Variants in FANCD2OS observed in about 807,000 individuals in gnomAD.
FANCD2OS encodes FANCD2 opposite strand.
In FANCD2OS, 11 loss-of-function variants were observed where a neutral mutation model predicts 13.2. The ratio of observed to expected loss-of-function variants is 0.83; its 90% confidence interval spans 0.52 to 1.38. The LOEUF (loss-of-function observed/expected upper bound fraction) is 1.38, where lower values mean the gene tolerates loss of function less well. FANCD2OS is among the 40% of genes most tolerant of loss of function. The pLI is 0.00. For missense variants in FANCD2OS, 217 were observed against 213.9 expected (o/e 1.01, Z -0.09); for synonymous variants, 69 against 84.5 (o/e 0.82, Z 1.01).
intron 2 of FANCD2OS, among the ~76,000 whole-genome samples, chr3:10,089,320 G>A (rs971524999): frequency 2.6e-5 from 4 of 151,484 alleles, no homozygotes; most frequent in South Asian, 2.1e-4. Flanking sequence ...ACTGTCCAAC[G>A]TATATAGCTT....
At chr3:10,088,988 A>G (rs1447670447) in intron 2 of FANCD2OS, 2 of 1,611,746 alleles carry the variant, frequency 1.2e-6, no homozygotes, top group Admixed American at 3.3e-5. Context: ...CCCTTAAGAT[A>G]GAATCATCAT....
chr3:10,091,401 G>A (rs1490881496), intron 2 of FANCD2OS, among the ~76,000 whole-genome samples: 4 of 149,224 alleles, frequency 2.7e-5, no homozygotes, highest in Non-Finnish European at 5.9e-5. Flanking sequence ...CAGCCCAGAA[G>A]GCAAAGGCTG....
chr3:10,101,112 C>T, downstream of FANCD2OS: 1 of 1,102,392 alleles, frequency 9.1e-7, no homozygotes. Context: ...AGTTGTGTAT[C>T]CTCTAGGAGC....
intron 2 of FANCD2OS, among the ~76,000 whole-genome samples, chr3:10,086,304 G>A (rs1694196313): frequency 6.6e-6 from 1 of 152,146 alleles, no homozygotes; most frequent in Non-Finnish European, 1.5e-5. Flanking sequence ...CTTGTAGGAA[G>A]ACCTTATGTG....
At chr3:10,095,878 A>ATTTTTTTT (rs397950663) in intron 2 of FANCD2OS, among the ~76,000 whole-genome samples, 6 of 125,772 alleles carry the variant, frequency 4.8e-5, no homozygotes, top group Non-Finnish European at 6.6e-5. Context: ...CTGAACAGTG[A>ATTTTTTTT]TTTTTTTTTT....
In FANCD2OS at chr3:10,103,990, A is replaced by G. The variant is rs543468598; in HGVS notation, c.*251T>C. The G allele has an allele frequency of 3.6e-5, 18 of 497,980 alleles. No homozygotes were observed. Among genetic ancestry groups the G allele is most frequent in the South Asian group, 6.3e-5 (2 of 31,994 alleles). The allele number at this position is 497,980 out of a possible 1,614,324, so 30.8% of individuals were successfully genotyped here. ...ATATCATTTGTTTAACGGTTATCAC[A>G]TGGACATGTCAATGCTAGTTTGACT... is the stretch of plus-strand genomic sequence containing the variant. On this transcript the variant is annotated 3_prime_UTR_variant, in exon 2 of 2. Coordinates refer to ENST00000450660, the MANE Select transcript of FANCD2OS (RefSeq NM_001164839.2).
At chr3:10,093,202 C>T in intron 2 of FANCD2OS, 1 of 1,004,036 alleles carries the variant, frequency 1.0e-6, no homozygotes, top group Non-Finnish European at 1.6e-6. Context: ...GCACCCAAAG[C>T]TGTGCTTTGC....
chr3:10,100,009 C>T (rs1401459657), downstream of FANCD2OS, among the ~76,000 whole-genome samples: 1 of 151,972 alleles, frequency 6.6e-6, no homozygotes, highest in Non-Finnish European at 1.5e-5. Flanking sequence ...CAACCCGAGA[C>T]CCCATCTCTA....
At position 10,104,020 on chromosome 3, in the gene FANCD2OS, A is replaced by G. The variant is rs140894432; in HGVS notation, c.*221T>C. 1,692 of 548,554 alleles carry G rather than the reference A, an allele frequency of 3.1e-3. 25 individuals are homozygous for G. The highest frequency in any genetic ancestry group is 0.029 in the African/African-American group (1,520 of 53,196). The allele number at this position is 548,554 out of a possible 1,614,324, so 34.0% of individuals were successfully genotyped here. ...CATGTCAATGCTAGTTTGACTCTAA[A>G]TGGTTCAACCTTACAATGGGAATGT... On this transcript the variant is annotated 3_prime_UTR_variant, in exon 2 of 2. Transcript: ENST00000450660.
chr3:10,082,164 T>C (rs1241360818), intron 2 of FANCD2OS, among the ~76,000 whole-genome samples: 1 of 152,226 alleles, frequency 6.6e-6, no homozygotes, highest in Non-Finnish European at 1.5e-5. Context: ...CCTGGCTTAG[T>C]AAATGGTACC....
chr3:10,094,505 T>G (rs1694838149), intron 2 of FANCD2OS: 2 of 777,158 alleles, frequency 2.6e-6, no homozygotes, highest in Admixed American at 3.6e-5. Context: ...ATCCCCAAAT[T>G]GGACTGAATA....
intron 2 of FANCD2OS, among the ~76,000 whole-genome samples, chr3:10,091,012 C>G (rs1243914948): frequency 1.3e-5 from 2 of 151,824 alleles, no homozygotes; most frequent in Non-Finnish European, 2.9e-5. Flanking sequence ...CTAACCAGAA[C>G]GGAGCTAGAC....
At chr3:10,081,429 G>C in exon 3 of FANCD2OS, 2 of 1,614,104 alleles carry the variant, frequency 1.2e-6, no homozygotes, top group Non-Finnish European at 1.7e-6. Context: ...CCTGCTATCA[G>C]AGGCTGCTGC....
At chr3:10,089,720 G>A (rs1230488270) in intron 2 of FANCD2OS, among the ~76,000 whole-genome samples, 3 of 152,098 alleles carry the variant, frequency 2.0e-5, no homozygotes. Flanking sequence ...TGCCTGCCTC[G>A]GCCTCTCAAA....
At chr3:10,096,527 A>G (rs1694977073) in intron 2 of FANCD2OS, 2 of 1,551,626 alleles carry the variant, frequency 1.3e-6, no homozygotes. Context: ...TTGTGACAGC[A>G]TCAGATGGCA....
intron 2 of FANCD2OS, among the ~76,000 whole-genome samples, chr3:10,092,868 T>A (rs1017603804): frequency 1.3e-5 from 2 of 151,844 alleles, no homozygotes; most frequent in Admixed American, 1.3e-4. Flanking sequence ...ATTTTTCTAT[T>A]TTTTGTGGAA....
intron 2 of FANCD2OS, among the ~76,000 whole-genome samples, chr3:10,084,681 A>C (rs923642179): frequency 1.3e-5 from 2 of 152,134 alleles, no homozygotes; most frequent in African/African-American, 4.8e-5. Flanking sequence ...AAAACCTGAC[A>C]CCTAATAGGC....
Position 10,105,763 on chromosome 3 carries a change from AAAAAAAAATTATATATATAT to A in FANCD2OS, c.-8-1001_-8-982del, listed in dbSNP as rs1183560857. Among the ~76,000 whole-genome samples the A allele has an allele frequency of 4.2e-3, 298 of 71,620 alleles. 18 individuals carry two copies. Among genetic ancestry groups the A allele is most frequent in the African/African-American group, 0.029 (284 of 9,678 alleles). 47.0% of individuals were successfully genotyped at this position (71,620 alleles called of 152,430 possible). ...AAGACTCCATCTAAAAAAAAAAAAA[AAAAAAAAATTATATATATAT>A]ATATATATATATATATATATATATA... On this transcript the variant is annotated intron_variant, in intron 1 of 1. Coordinates refer to ENST00000450660, the MANE Select transcript of FANCD2OS (RefSeq NM_001164839.2).
At chr3:10,107,800 C>T (rs921894146) in intron 1 of FANCD2OS, among the ~76,000 whole-genome samples, 4 of 152,004 alleles carry the variant, frequency 2.6e-5, no homozygotes, top group African/African-American at 9.7e-5. Flanking sequence ...AACCTAGGTC[C>T]CTGCACCTCT....
Sources: gnomAD v4.1 joint callset for allele counts (sites outside exome capture counted in the v4.1 genomes callset) on GRCh38, gnomAD v4.1.1 for gene constraint, MANE v1.5 for transcripts, NCBI Gene and HGNC (gene_info 2026-07-23, HGNC 2026-07-21) for gene names.